Variants in ARID2 observed in about 807,000 individuals in gnomAD.
ARID2 encodes AT-rich interactive domain-containing protein 2.
In ARID2, 32 loss-of-function variants were observed where a neutral mutation model predicts 184.6. The ratio of observed to expected loss-of-function variants is 0.17; its 90% CI spans 0.13 to 0.23. The LOEUF is 0.23. Ranked by LOEUF, ARID2 falls within the 10% of genes least tolerant of loss-of-function variation. ARID2 has a pLI of 1.00. For synonymous variants in ARID2, 836 were observed against 772.6 expected (o/e 1.08, Z -1.36); for missense variants, 1,696 against 2,197.6 (o/e 0.77, Z 4.56).
rs182738286 is a variant in ARID2, at chr12:45,740,909, G to T, written c.284+9595G>T. On this transcript the variant is annotated intron_variant, in intron 3 of 20. Coordinates refer to ENST00000334344, the MANE Select transcript of ARID2 (RefSeq NM_152641.4). ...GGCAAGAGACATGTCATGTCACTTT[G>T]TCTCATTATTGCTGAGATTAAGGTG... Among the ~76,000 whole-genome samples, 6 of 152,244 alleles carry T rather than the reference G, an allele frequency of 3.9e-5. No individual in the cohort carries two copies. In the South Asian group the frequency reaches 6.2e-4, roughly 16 times the overall value.
intron 3 of ARID2, among the ~76,000 whole-genome samples, chr12:45,753,499 T>TAAATACATTA (rs889133668): frequency 2.0e-5 from 3 of 152,204 alleles, no homozygotes; most frequent in African/African-American, 7.2e-5. Flanking sequence ...TTTTGAGTGG[T>TAAATACATTA]AAATACATTA....
At chr12:45,835,490 C>T (rs1943202141) in intron 6 of ARID2, among the ~76,000 whole-genome samples, 1 of 148,826 alleles carries the variant, frequency 6.7e-6, no homozygotes, top group Non-Finnish European at 1.5e-5. Flanking sequence ...TGCCTAAGAA[C>T]TTTGATTCCA....
chr12:45,832,267 C>G (rs1330722701), intron 6 of ARID2, among the ~76,000 whole-genome samples: 1 of 152,036 alleles, frequency 6.6e-6, no homozygotes, highest in Non-Finnish European at 1.5e-5. Context: ...TCTTATTGCT[C>G]TTGTATATGT....
At chr12:45,864,187 G>A (rs1181337772) in intron 16 of ARID2, among the ~76,000 whole-genome samples, 2 of 151,848 alleles carry the variant, frequency 1.3e-5, no homozygotes, top group African/African-American at 4.8e-5. Context: ...TTTTCAGTAA[G>A]CCCCACTCCC....
intron 15 of ARID2, among the ~76,000 whole-genome samples, chr12:45,853,593 T>C (rs542702907): frequency 6.6e-6 from 1 of 152,310 alleles, no homozygotes; most frequent in Middle Eastern, 3.4e-3. Flanking sequence ...AATCAGGCTA[T>C]GAGGATTTTA....
chr12:45,741,439 C>T (rs1370184143), intron 3 of ARID2, among the ~76,000 whole-genome samples: 1 of 152,186 alleles, frequency 6.6e-6, no homozygotes, highest in East Asian at 1.9e-4. Flanking sequence ...CTTAAGCAAT[C>T]CATTTGCATT....
At chr12:45,794,809 T>C (rs1269673081) in intron 3 of ARID2, among the ~76,000 whole-genome samples, 1 of 152,134 alleles carries the variant, frequency 6.6e-6, no homozygotes, top group African/African-American at 2.4e-5. Context: ...TATTAAATAA[T>C]GAATCTAATT....
At chr12:45,849,083 A>G in intron 13 of ARID2, 113 bp downstream of exon 13, 1 of 1,223,686 alleles carries the variant, frequency 8.2e-7, no homozygotes, top group South Asian at 1.7e-5. Flanking sequence ...TACTACTAGA[A>G]GTTTCGTATG....
chr12:45,879,809 T>C (rs572032835), intron 16 of ARID2, among the ~76,000 whole-genome samples: 93 of 152,376 alleles, frequency 6.1e-4, no homozygotes, highest in African/African-American at 2.2e-3. Flanking sequence ...ATCCTTGAAA[T>C]GTATAAATAA....
Position 45,852,809 on chromosome 12 carries a change from A to G in ARID2, c.4686A>G (p.Pro1562=), listed in dbSNP as rs2138181605. 3 of 1,614,100 alleles carry G rather than the reference A, an allele frequency of 1.9e-6. No individual in the cohort carries two copies. The highest frequency in any genetic ancestry group is 2.5e-6 in the Non-Finnish European group (3 of 1,179,984). ...TTGCTGTGCCAGCAGGAGCAGATCC[A>G]AGCACTGTAGCTAAAGTAGCAATAG... ...TMVAVPAGAD[P]STVAKVAIES... is the part of the protein sequence containing the mutation. Residue 1562 remains proline, a synonymous_variant, in exon 15 of 21, where the codon CCA becomes CCG. Transcript: ENST00000334344.
chr12:45,805,507 CTT>C (rs1467484746), intron 3 of ARID2, among the ~76,000 whole-genome samples: 1 of 151,902 alleles, frequency 6.6e-6, no homozygotes, highest in Non-Finnish European at 1.5e-5. Flanking sequence ...ATTGCTTTCT[CTT>C]GTGTATATAT....
At chr12:45,811,164 G>A (rs1224163775) in intron 3 of ARID2, among the ~76,000 whole-genome samples, 4 of 149,572 alleles carry the variant, frequency 2.7e-5, no homozygotes, top group East Asian at 4.0e-4. Flanking sequence ...AGCTGAGATC[G>A]CACCACTGCA....
At chr12:45,898,947 A>G (rs1307731197) in intron 20 of ARID2, among the ~76,000 whole-genome samples, 1 of 152,012 alleles carries the variant, frequency 6.6e-6, no homozygotes, top group Admixed American at 6.5e-5. Context: ...TGTGTGAATT[A>G]TACCTCAATG....
chr12:45,782,766 A>G (rs188720744), intron 3 of ARID2, among the ~76,000 whole-genome samples: 2 of 152,108 alleles, frequency 1.3e-5, no homozygotes, highest in South Asian at 2.1e-4. Flanking sequence ...GTTGGGCTCT[A>G]TTGTTTCCCT....
chr12:45,832,870 G>A (rs557057928), intron 6 of ARID2, among the ~76,000 whole-genome samples: 1 of 152,188 alleles, frequency 6.6e-6, no homozygotes, highest in Admixed American at 6.5e-5. Flanking sequence ...GAGGATGTTT[G>A]TAGGTTATAT....
chr12:45,870,135 G>A (rs536548801), intron 16 of ARID2, among the ~76,000 whole-genome samples: 14 of 151,828 alleles, frequency 9.2e-5, no homozygotes, highest in Admixed American at 2.6e-4. Context: ...ACAGGCGCCC[G>A]CCACCATGCC....
chr12:45,731,768 T>C (rs776497481), intron 3 of ARID2, among the ~76,000 whole-genome samples: 1 of 152,044 alleles, frequency 6.6e-6, no homozygotes, highest in Non-Finnish European at 1.5e-5. Flanking sequence ...TTTGGAACAG[T>C]GTCATTGAAT....
intron 16 of ARID2, among the ~76,000 whole-genome samples, chr12:45,870,391 T>G (rs979845900): frequency 6.6e-6 from 1 of 152,220 alleles, no homozygotes; most frequent in Non-Finnish European, 1.5e-5. Flanking sequence ...TCCACTATTA[T>G]TGACACCTTG....
At chr12:45,887,481 A>T (rs983289730) in intron 16 of ARID2, among the ~76,000 whole-genome samples, 1 of 152,116 alleles carries the variant, frequency 6.6e-6, no homozygotes, top group African/African-American at 2.4e-5. Flanking sequence ...AGAGGAAAAG[A>T]TAAAAGATGC....
Sources: gnomAD v4.1 joint callset for allele counts (sites outside exome capture counted in the v4.1 genomes callset) on GRCh38, gnomAD v4.1.1 for gene constraint, MANE v1.5 for transcripts, NCBI Gene and HGNC (gene_info 2026-07-23, HGNC 2026-07-21) for gene names.